CCSER1: variants seen among roughly 807,000 people sequenced by gnomAD.
CCSER1 encodes the protein coiled-coil serine rich protein 1, also known as serine-rich coiled-coil domain-containing protein 1.
In CCSER1, 41 loss-of-function variants were observed where a neutral mutation model predicts 82.0. That is an observed-to-expected ratio of 0.50 (90% CI 0.39 to 0.65). CCSER1 has a LOEUF of 0.65. Ranked by LOEUF, CCSER1 falls within the 30% of genes least tolerant of loss-of-function variation. The probability of loss-of-function intolerance (pLI) is 0.00; values close to 1 mark genes in which losing one functional copy is unlikely to be tolerated. For synonymous variants in CCSER1, 414 were observed against 383.9 expected (o/e 1.08, Z -0.92); for missense variants, 1,119 against 1,064.2 (o/e 1.05, Z -0.72).
At chr4:90,450,759 G>T (rs60134071) in intron 4 of CCSER1, among the ~76,000 whole-genome samples, 10,738 of 152,196 alleles carry the variant, frequency 0.071, 669 homozygotes, top group East Asian at 0.37. Context: ...AGGGAAGGAG[G>T]TGCCTTTACC....
chr4:90,216,249 G>T (rs1741000541), intron 1 of CCSER1, among the ~76,000 whole-genome samples: 2 of 152,142 alleles, frequency 1.3e-5, no homozygotes, highest in Admixed American at 1.3e-4. Context: ...CTCTACTCCT[G>T]GGTGATTGAT....
rs113935692 is a variant in CCSER1, at chr4:91,366,092, C to T, written c.2218-232480C>T. 6.1e-3 allele frequency among the ~76,000 whole-genome samples: 935 copies of T among 152,238 alleles called. 14 individuals are homozygous for T. The highest frequency in any genetic ancestry group is 0.021 in the African/African-American group (873 of 41,542). ...GGAATGCAATGGCACGATCTTGGCT[C>T]ACTGCAACCTCCGCCTCCCAGGTTC... is the stretch of plus-strand genomic sequence containing the variant. On this transcript the variant is annotated intron_variant, in intron 10 of 10. Transcript: ENST00000509176.
chr4:91,226,800 C>T (rs1267870219), intron 10 of CCSER1, among the ~76,000 whole-genome samples: 1 of 151,818 alleles, frequency 6.6e-6, no homozygotes, highest in Non-Finnish European at 1.5e-5. Context: ...TACAGGAAAT[C>T]ATTGTGTGGT....
At chr4:90,709,946 G>GTT (rs200510091) in intron 6 of CCSER1, among the ~76,000 whole-genome samples, 11,589 of 134,846 alleles carry the variant, frequency 0.086, 1,062 homozygotes, top group African/African-American at 0.23. Context: ...GCCAGCATCT[G>GTT]TTTTTTTTTT....
At chr4:90,956,373 T>C (rs1272926095) in intron 9 of CCSER1, among the ~76,000 whole-genome samples, 2 of 152,166 alleles carry the variant, frequency 1.3e-5, no homozygotes, top group African/African-American at 4.8e-5. Context: ...AGCTAAGGCA[T>C]AGGATTTTCC....
chr4:91,602,892 G>T lies in CCSER1; in HGVS notation c.*3835G>T, dbSNP rs1239000251. Among the ~76,000 whole-genome samples, 1 of 151,920 alleles carries T rather than the reference G, an allele frequency of 6.6e-6. No individual in the cohort carries two copies. The highest frequency in any genetic ancestry group is 1.5e-5 in the Non-Finnish European group (1 of 67,920). On this transcript the variant is annotated 3_prime_UTR_variant, in exon 11 of 11. Coordinates refer to ENST00000509176, the MANE Select transcript of CCSER1 (RefSeq NM_001145065.2). ...GGATTTTGATTGCTATCTAAGACTT[G>T]ACTTTATTTAGGCATTATTATCAGA... is the stretch of plus-strand genomic sequence containing the variant.
At chr4:90,640,721 C>T (rs1037378690) in intron 6 of CCSER1, among the ~76,000 whole-genome samples, 1 of 152,172 alleles carries the variant, frequency 6.6e-6, no homozygotes, top group Non-Finnish European at 1.5e-5. Flanking sequence ...TCTCAGGAGA[C>T]GTGATAGTTT....
At chr4:91,303,065 TA>T (rs974571511) in intron 10 of CCSER1, among the ~76,000 whole-genome samples, 7 of 151,902 alleles carry the variant, frequency 4.6e-5, no homozygotes, top group Non-Finnish European at 8.8e-5. Context: ...AATTTATCAA[TA>T]AAAAAGTTTG....
At chr4:90,588,560 G>A (rs1042305163) in intron 5 of CCSER1, among the ~76,000 whole-genome samples, 4 of 152,120 alleles carry the variant, frequency 2.6e-5, no homozygotes, top group Admixed American at 2.0e-4. Context: ...TCCCTTAAGT[G>A]TTGAAATTTT....
At chr4:90,479,533 C>G (rs539963701) in intron 5 of CCSER1, among the ~76,000 whole-genome samples, 5 of 152,206 alleles carry the variant, frequency 3.3e-5, no homozygotes, top group East Asian at 3.9e-4. Flanking sequence ...CCGCTCCCCC[C>G]ACCCCACAAC....
intron 10 of CCSER1, among the ~76,000 whole-genome samples, chr4:91,169,442 G>A (rs572829615): frequency 3.3e-5 from 5 of 152,120 alleles, no homozygotes; most frequent in South Asian, 2.1e-4. Context: ...CCACCGTGGC[G>A]AAGCCCATTC....
chr4:90,512,800 G>A (rs966550585), intron 5 of CCSER1, among the ~76,000 whole-genome samples: 1 of 151,986 alleles, frequency 6.6e-6, no homozygotes, highest in African/African-American at 2.4e-5. Flanking sequence ...ATTGCAATAA[G>A]TCATTATAGT....
chr4:90,193,711 A>G (rs1736068280), intron 1 of CCSER1, among the ~76,000 whole-genome samples: 1 of 152,030 alleles, frequency 6.6e-6, no homozygotes, highest in Non-Finnish European at 1.5e-5. Flanking sequence ...AAAGCTTAGA[A>G]CACTTTTAAC....
chr4:90,608,292 A>G (rs564488674), intron 5 of CCSER1, among the ~76,000 whole-genome samples: 3 of 152,272 alleles, frequency 2.0e-5, no homozygotes, highest in African/African-American at 7.2e-5. Context: ...TCATGTGATC[A>G]TTGACAGAAT....
intron 7 of CCSER1, among the ~76,000 whole-genome samples, chr4:90,792,233 A>G (rs1406419926): frequency 6.6e-6 from 1 of 152,048 alleles, no homozygotes; most frequent in African/African-American, 2.4e-5. Flanking sequence ...TCCATGAAAC[A>G]TTTCTGAAGC....
chr4:90,772,345 T>C (rs1397012310), intron 7 of CCSER1, among the ~76,000 whole-genome samples: 1 of 152,148 alleles, frequency 6.6e-6, no homozygotes, highest in African/African-American at 2.4e-5. Context: ...CTATATATTA[T>C]AAAAATTGAG....
chr4:90,261,412 G>C (rs1724312711), intron 1 of CCSER1, among the ~76,000 whole-genome samples: 1 of 152,106 alleles, frequency 6.6e-6, no homozygotes, highest in African/African-American at 2.4e-5. Context: ...GTTTAAGGAG[G>C]CTAAAGATAG....
chr4:91,571,444 T>G (rs1164798344), intron 10 of CCSER1, among the ~76,000 whole-genome samples: 4 of 152,320 alleles, frequency 2.6e-5, no homozygotes, highest in Middle Eastern at 3.4e-3. Context: ...AAAAGAGATT[T>G]AATTGACTTA....
At chr4:91,478,149 A>C (rs1420153000) in intron 10 of CCSER1, among the ~76,000 whole-genome samples, 1 of 151,904 alleles carries the variant, frequency 6.6e-6, no homozygotes, top group Non-Finnish European at 1.5e-5. Flanking sequence ...AAAAAATCTT[A>C]CTGATCCCAA....
Sources: gnomAD v4.1 joint callset for allele counts (sites outside exome capture counted in the v4.1 genomes callset) on GRCh38, gnomAD v4.1.1 for gene constraint, MANE v1.5 for transcripts, NCBI Gene and HGNC (gene_info 2026-07-23, HGNC 2026-07-21) for gene names.